The following ADAMTS2 variants were observed in gnomAD, a reference collection of about 807,000 sequenced individuals.
ADAMTS2 encodes the protein A disintegrin and metalloproteinase with thrombospondin motifs 2.
Under a neutral mutation model 123.0 loss-of-function variants are expected in ADAMTS2, and 50 were observed. The ratio of observed to expected loss-of-function variants is 0.41; its 90% CI spans 0.32 to 0.51. ADAMTS2 has a LOEUF of 0.51. Among genes scored for constraint, ADAMTS2 ranks in the 20% least tolerant of loss-of-function variants. The pLI is 0.35. For synonymous variants in ADAMTS2, 678 were observed against 695.4 expected, an observed-to-expected ratio of 0.98 and a Z score of 0.39; for missense variants, 1,494 against 1,705.2, an observed-to-expected ratio of 0.88 and a Z score of 2.18.
intron 2 of ADAMTS2, among the ~76,000 whole-genome samples, chr5:179,311,346 G>A (rs115313859): frequency 1.8e-3 from 278 of 152,296 alleles, no homozygotes; most frequent in African/African-American, 6.0e-3. Flanking sequence ...ATGGGCAGGC[G>A]CCGCCTGGCT....
chr5:179,314,551 C>T lies in ADAMTS2; in HGVS notation c.534+29216G>A, dbSNP rs1310667368. Among the ~76,000 whole-genome samples, 1 of 152,152 alleles carries T rather than the reference C, an allele frequency of 6.6e-6. No homozygotes were observed. The highest frequency in any genetic ancestry group is 1.9e-4 in the East Asian group (1 of 5,182). On this transcript the variant is annotated intron_variant, in intron 2 of 21. Coordinates refer to ENST00000251582, the MANE Select transcript of ADAMTS2 (RefSeq NM_014244.5). This position sits in a 1 kb window ranked among gnomAD's most constrained non-coding sequence, Gnocchi z 4.5. Reference sequence around the variant, plus strand: ...CCCACAGCGCTCCTGCCTCTGCAGCCCCCCGGGCCGTGTCTCTCTCTCACG... The same window carrying T: ...CCCACAGCGCTCCTGCCTCTGCAGCTCCCCGGGCCGTGTCTCTCTCTCACG...
In ADAMTS2 at chr5:179,312,875, C is replaced by T. The variant is rs548198685; in HGVS notation, c.534+30892G>A. Among the ~76,000 whole-genome samples the T allele has an allele frequency of 2.0e-5, 3 of 152,380 alleles. No homozygotes were observed. Among genetic ancestry groups the T allele is most frequent in the South Asian group, 2.1e-4 (1 of 4,832 alleles). ...TCCAGAACCGTGAGAGGATACAATT[C>T]TAATGTTTCAAACCAGCAAGCTTGT... On this transcript the variant is annotated intron_variant, in intron 2 of 21. Transcript: ENST00000251582. This position sits in a 1 kb window ranked among gnomAD's most constrained non-coding sequence, Gnocchi z 4.2.
chr5:179,279,865 C>G (rs1402124745), intron 2 of ADAMTS2, among the ~76,000 whole-genome samples: 2 of 152,360 alleles, frequency 1.3e-5, no homozygotes, highest in Admixed American at 6.5e-5. Flanking sequence ...TCCACTTTTC[C>G]AAAAGGGACG....
At chr5:179,329,199 C>G (rs6867651) in intron 2 of ADAMTS2, among the ~76,000 whole-genome samples, 5 of 151,914 alleles carry the variant, frequency 3.3e-5, no homozygotes, top group Non-Finnish European at 4.4e-5. Context: ...TGGTGGCGGG[C>G]GCCTGTAGTC....
chr5:179,339,870 T>A (rs539293712), intron 2 of ADAMTS2, among the ~76,000 whole-genome samples: 1 of 152,346 alleles, frequency 6.6e-6, no homozygotes, highest in Non-Finnish European at 1.5e-5. Context: ...GTGTGTGGCC[T>A]CGAAGGCAGC....
intron 2 of ADAMTS2, among the ~76,000 whole-genome samples, chr5:179,297,453 T>G (rs1756371813): frequency 6.6e-6 from 1 of 151,954 alleles, no homozygotes; most frequent in South Asian, 2.1e-4. Context: ...GTGAAGTTGG[T>G]ATGGGGACCC....
At chr5:179,258,911 C>G (rs1766139830) in intron 3 of ADAMTS2, among the ~76,000 whole-genome samples, 1 of 152,184 alleles carries the variant, frequency 6.6e-6, no homozygotes, top group Admixed American at 6.5e-5. Flanking sequence ...TCCCAACACC[C>G]TTCCTGCACG....
intron 3 of ADAMTS2, among the ~76,000 whole-genome samples, chr5:179,265,060 A>ACAGCAGCATGCTGGGCGG (rs1282431948): frequency 6.6e-6 from 1 of 152,058 alleles, no homozygotes; most frequent in Non-Finnish European, 1.5e-5. Context: ...CCCTGCACCA[A>ACAGCAGCATGCTGGGCGG]ACTGCCCGCT....
At chr5:179,218,881 G>T (rs1278423599) in intron 3 of ADAMTS2, among the ~76,000 whole-genome samples, 5 of 152,222 alleles carry the variant, frequency 3.3e-5, no homozygotes, top group African/African-American at 1.2e-4. Flanking sequence ...CCGCACAGCA[G>T]AGGACAAAGG....
Position 179,173,047 on chromosome 5 carries a change from A to G in ADAMTS2, c.975+8025T>C, listed in dbSNP as rs999144247. Among the ~76,000 whole-genome samples the G allele has an allele frequency of 2.6e-5, 4 of 151,346 alleles. No individual in the cohort carries two copies. The East Asian group carries it at 5.8e-4, about 22-fold the overall frequency. ...GAGTGAGACCCTGTCTCTACAAAAA[A>G]AAAAAGAAAAAAAAATTAGTCGAGT... On this transcript the variant is annotated intron_variant, in intron 5 of 21. Coordinates refer to ENST00000251582, the MANE Select transcript of ADAMTS2 (RefSeq NM_014244.5).
At chr5:179,139,837 C>T in intron 11 of ADAMTS2, 53 bp downstream of exon 11, 1 of 1,607,644 alleles carries the variant, frequency 6.2e-7, no homozygotes, top group Non-Finnish European at 8.5e-7. Flanking sequence ...AGAGGGTCTC[C>T]TGGACCCTCA....
In ADAMTS2 at chr5:179,331,812, A is replaced by G. The variant is rs114281855; in HGVS notation, c.534+11955T>C. Among the ~76,000 whole-genome samples, 761 of 152,258 alleles carry G rather than the reference A, an allele frequency of 5.0e-3. 7 individuals are homozygous for G. The highest frequency in any genetic ancestry group is 0.018 in the African/African-American group (729 of 41,538). The stretch of plus-strand genomic sequence containing the variant: ...CCACTGGGATCTGTTTTCACTCACA[A>G]TGCTTCTGACACCAAACATGTGGTT... On this transcript the variant is annotated intron_variant, in intron 2 of 21. Transcript: ENST00000251582.
intron 2 of ADAMTS2, among the ~76,000 whole-genome samples, chr5:179,299,752 G>A (rs921977206): frequency 6.6e-6 from 1 of 151,772 alleles, no homozygotes; most frequent in Non-Finnish European, 1.5e-5. Context: ...GCCAGCACCG[G>A]AGCATCTACT....
At chr5:179,154,748 T>G in intron 7 of ADAMTS2, 66 bp downstream of exon 7, 1 of 1,336,648 alleles carries the variant, frequency 7.5e-7, no homozygotes, top group Non-Finnish European at 1.1e-6. Context: ...AGAGGAGAAG[T>G]GGGCAGCCAG....
intron 3 of ADAMTS2, among the ~76,000 whole-genome samples, chr5:179,245,714 C>T (rs1453964220): frequency 2.5e-5 from 3 of 119,364 alleles, no homozygotes; most frequent in Non-Finnish European, 4.8e-5. Context: ...TGCAGTGAGC[C>T]GAGATCGCGC....
chr5:179,125,147 C>G lies in ADAMTS2; in HGVS notation c.2784G>C (p.Gln928His), dbSNP rs916565807. Residue 928 changes from glutamine to histidine, a missense_variant, in exon 19 of 22, where the codon CAG becomes CAC. By Grantham distance (24) the Gln-to-His change is conservative. Transcript: ENST00000251582. ...WVTGEWEPCS[Q>H]TCGRTGMQVR... ...CCTGCATGCCTGTCCGCCCACAGGTCTGGCTACATGGCTCCCATTCGCCTG... is the reference window on the plus strand; with the variant it reads ...CCTGCATGCCTGTCCGCCCACAGGTGTGGCTACATGGCTCCCATTCGCCTG... 1.9e-6 allele frequency: 3 copies of G among 1,612,802 alleles called. No homozygotes were observed. The highest frequency in any genetic ancestry group is 2.5e-6 in the Non-Finnish European group (3 of 1,179,934).
intron 2 of ADAMTS2, among the ~76,000 whole-genome samples, chr5:179,289,206 C>T (rs72820615): frequency 0.29 from 43,747 of 151,982 alleles, 7,235 homozygotes; most frequent in Non-Finnish European, 0.36. Context: ...CACAGCGGAA[C>T]GATGGAGGAG....
intron 3 of ADAMTS2, among the ~76,000 whole-genome samples, chr5:179,226,513 G>C (rs954755245): frequency 6.6e-6 from 1 of 151,746 alleles, no homozygotes; most frequent in African/African-American, 2.4e-5. Context: ...CTGACCTCAG[G>C]TGATCCATCC....
chr5:179,266,604 G>T (rs2113500491), intron 3 of ADAMTS2, among the ~76,000 whole-genome samples: 1 of 152,364 alleles, frequency 6.6e-6, no homozygotes. Flanking sequence ...TGTGAGGAAT[G>T]CAGGTGTGCT....
Sources: gnomAD v4.1 joint callset for allele counts (sites outside exome capture counted in the v4.1 genomes callset) on GRCh38, gnomAD v4.1.1 for gene constraint, Gnocchi (gnomAD v3.1) non-coding constraint, MANE v1.5 for transcripts, NCBI Gene and HGNC (gene_info 2026-07-23, HGNC 2026-07-21) for gene names.